GYS1: variants seen among roughly 807,000 people sequenced by gnomAD.
The protein encoded by GYS1 is glycogen synthase 1.
In GYS1, 60 loss-of-function variants were observed where a neutral mutation model predicts 89.1. The ratio of observed to expected loss-of-function variants is 0.67; its 90% CI spans 0.55 to 0.84. The LOEUF (loss-of-function observed/expected upper bound fraction) is 0.84, where lower values mean the gene tolerates loss of function less well. Among genes scored for constraint, GYS1 ranks in the 40% least tolerant of loss-of-function variants. The pLI, the probability that GYS1 is intolerant of heterozygous loss-of-function variation, is 0.00. For synonymous variants in GYS1, 366 were observed against 401.7 expected (o/e 0.91, Z 1.06); for missense variants, 888 against 1,003.1 (o/e 0.89, Z 1.55).
intron 8 of GYS1, among the ~76,000 whole-genome samples, chr19:48,979,393 T>A (rs1026624651): frequency 3.0e-5 from 4 of 134,936 alleles, no homozygotes; most frequent in Admixed American, 8.0e-5. Context: ...AGAGTCTTGC[T>A]CTGTCGCCCA....
chr19:48,975,653 C>A (rs1194672495), intron 10 of GYS1, among the ~76,000 whole-genome samples: 1 of 151,736 alleles, frequency 6.6e-6, no homozygotes, highest in East Asian at 1.9e-4. Context: ...AACCACCAGG[C>A]GTGGTGGCTC....
chr19:48,980,010 T>G (rs956464108), intron 8 of GYS1, among the ~76,000 whole-genome samples: 1 of 152,066 alleles, frequency 6.6e-6, no homozygotes, highest in Non-Finnish European at 1.5e-5. Context: ...AGTGGCGCAA[T>G]CATGCCTCAC....
chr19:48,979,811 G>A (rs11882285), intron 8 of GYS1, among the ~76,000 whole-genome samples: 55,882 of 150,530 alleles, frequency 0.37, 10,365 homozygotes, highest in Middle Eastern at 0.52. Flanking sequence ...ACGCCCTGCT[G>A]ATTTTTTTTA....
In GYS1 at chr19:48,969,355, G is replaced by C. The variant is rs2038514389; in HGVS notation, c.2147C>G (p.Ser716Cys). The C allele has an allele frequency of 1.3e-6, 2 of 1,585,358 alleles. No homozygotes were observed. The highest frequency in any genetic ancestry group is 1.7e-6 in the Non-Finnish European group (2 of 1,171,158). Reference protein sequence around the residue: ...SKRNSVDTATSSSLSTPSEPL... With the variant: ...SKRNSVDTATCSSLSTPSEPL... Reference sequence around the variant, plus strand: ...CTCGCTCGGGGTGCTGAGTGAGCTGGAGGTGGCCGTGTCCACAGAGTTGCG... The same window carrying C: ...CTCGCTCGGGGTGCTGAGTGAGCTGCAGGTGGCCGTGTCCACAGAGTTGCG... The change falls in exon 16 of 16, where the codon TCC (serine) becomes TGC (cysteine). Residue 716 changes from serine to cysteine, a missense_variant. Ser to Cys is a moderately radical substitution (Grantham distance 112). Coordinates refer to ENST00000323798, the MANE Select transcript of GYS1 (RefSeq NM_002103.5).
Position 48,982,354 on chromosome 19 carries a change from G to A in GYS1, c.963C>T (p.Asp321=), listed in dbSNP as rs1260946510. 3 of 1,613,732 alleles carry A rather than the reference G, an allele frequency of 1.9e-6. No homozygotes were observed. The African/African-American group carries it at 4.0e-5, about 22-fold the overall frequency. ...CGGCGATAAAGAAGTATAAGGTCTTGTCCAAGTTGAAGTCCAGATGCCTAA... is the reference window on the plus strand; with the variant it reads ...CGGCGATAAAGAAGTATAAGGTCTTATCCAAGTTGAAGTCCAGATGCCTAA... ...HFYGHLDFNL[D]KTLYFFIAGR... is the part of the protein sequence containing the mutation. Residue 321 remains aspartate (D), a synonymous_variant, in exon 7 of 16, where the codon GAC becomes GAT. Transcript: ENST00000323798.
intron 8 of GYS1, among the ~76,000 whole-genome samples, chr19:48,979,394 C>T (rs1270055040): frequency 9.5e-5 from 10 of 105,466 alleles, no homozygotes; most frequent in African/African-American, 3.2e-4. Context: ...GAGTCTTGCT[C>T]TGTCGCCCAG....
In GYS1 at chr19:48,968,954, C is replaced by T. The variant is rs1380815530; in HGVS notation, c.*334G>A. ...CACGGGGGGCTCTAAAAGCCCCAGA[C>T]CTGAAAGCACCATGCCAGGTTTCCT... On this transcript the variant is annotated 3_prime_UTR_variant, in exon 16 of 16. Coordinates refer to ENST00000323798, the MANE Select transcript of GYS1 (RefSeq NM_002103.5). 9.1e-6 allele frequency: 5 copies of T among 551,190 alleles called. No homozygotes were observed. Among genetic ancestry groups the T allele is most frequent in the African/African-American group, 1.9e-5 (1 of 53,590 alleles). The allele number at this position is 551,190 out of a possible 1,614,324, so 34.1% of individuals were successfully genotyped here.
At chr19:48,970,422 C>T (rs1407363599) in intron 14 of GYS1, 124 bp downstream of exon 14, 2 of 831,192 alleles carry the variant, frequency 2.4e-6, no homozygotes, top group Non-Finnish European at 4.0e-6. Flanking sequence ...CGCGATCGGC[C>T]TGGTTCATTG....
In GYS1 at chr19:48,991,252, C is replaced by G. The variant is rs749639909; in HGVS notation, c.300+50G>C. The G allele has an allele frequency of 6.3e-7, 1 of 1,590,670 alleles. No homozygotes were observed. The highest frequency in any genetic ancestry group is 1.7e-5 in the Admixed American group (1 of 60,002). On this transcript the variant is annotated intron_variant, in intron 2 of 15. Transcript: ENST00000323798. This position sits in a 1 kb window ranked among gnomAD's most constrained non-coding sequence, Gnocchi z 4.7. ...CCCTCTCCGTCTGTGGCTCCCACCC[C>G]GATGGCAGGCTGTCCACCCGCTTCT...
chr19:48,978,230 G>A (rs907345485), intron 8 of GYS1, 73 bp from the exon 9 acceptor site: 1 of 1,315,070 alleles, frequency 7.6e-7, no homozygotes, highest in Admixed American at 1.7e-5. Context: ...TAGTTAGTTT[G>A]TTTGTTTATT....
chr19:48,969,184 C>T lies in GYS1; in HGVS notation c.*104G>A. ...GGACTGGGTGGGGGCACTGCGGGGC[C>T]ACACCCAGTGCAGATCTGGAGCGGG... On this transcript the variant is annotated 3_prime_UTR_variant, in exon 16 of 16. Coordinates refer to ENST00000323798, the MANE Select transcript of GYS1 (RefSeq NM_002103.5). 9.2e-7 allele frequency: 1 copy of T among 1,081,334 alleles called. No individual in the cohort carries two copies. The highest frequency in any genetic ancestry group is 1.3e-6 in the Non-Finnish European group (1 of 758,788). 67.0% of individuals were successfully genotyped at this position (1,081,334 alleles called of 1,614,324 possible). A position where few individuals can be genotyped will look rare whatever the true frequency, so the allele number is the denominator to read the frequency against.
chr19:48,981,645 A>C lies in GYS1; in HGVS notation c.1063-9T>G, dbSNP rs1375259072. On this transcript the variant is annotated splice_polypyrimidine_tract_variant and intron_variant, in intron 7 of 15. Transcript: ENST00000323798. ...TGCTCGCTGCCGTTCACCTGCGCAG[A>C]AAGAAAGGAGGGGGAGGCCAGGATC... The C allele has an allele frequency of 6.3e-7, 1 of 1,583,396 alleles. No homozygotes were observed. The highest frequency in any genetic ancestry group is 1.1e-5 in the South Asian group (1 of 90,484).
Position 48,979,336 on chromosome 19 carries a change from C to CTTTTTTTTTTTTTT in GYS1, c.1170-1193_1170-1180dup, listed in dbSNP as rs777178030. 7.0e-4 allele frequency among the ~76,000 whole-genome samples: 65 copies of CTTTTTTTTTTTTTT among 92,724 alleles called. 9 individuals carry two copies. The highest frequency in any genetic ancestry group is 9.1e-4 in the African/African-American group (24 of 26,432). The allele number at this position is 92,724 out of a possible 152,430, so 60.8% of individuals were successfully genotyped here. ...TTTGTCTCTTTTTCTTTTTTCTTTT[C>CTTTTTTTTTTTTTT]TTTTTTTTTTTTTTTTTTTTTTTTT... On this transcript the variant is annotated intron_variant, in intron 8 of 15. Coordinates refer to ENST00000323798, the MANE Select transcript of GYS1 (RefSeq NM_002103.5).
intron 2 of GYS1, among the ~76,000 whole-genome samples, chr19:48,988,281 A>G (rs1019935615): frequency 1.3e-5 from 2 of 151,962 alleles, no homozygotes; most frequent in Non-Finnish European, 2.9e-5. Context: ...TCTCTTACCA[A>G]CCATCTGCAT....
At position 48,970,592 on chromosome 19, in the gene GYS1, C is replaced by A; in HGVS notation, c.1763G>T (p.Arg588Leu). The A allele has an allele frequency of 6.2e-7, 1 of 1,613,572 alleles. No homozygotes were observed. The highest frequency in any genetic ancestry group is 8.5e-7 in the Non-Finnish European group (1 of 1,179,692). ...SRRQRIIQRN[R>L]TERLSDLLDW... Reference sequence around the variant, plus strand: ...CAGAAGGTCGGAGAGGCGCTCCGTGCGGTTCCGCTGGATGATACGCTGCCG... The same window carrying A: ...CAGAAGGTCGGAGAGGCGCTCCGTGAGGTTCCGCTGGATGATACGCTGCCG... The change falls in exon 14 of 16, where the codon CGC becomes CTC. Residue 588 changes from arginine (R) to leucine (L), a missense_variant. Physicochemically the swap from Arg to Leu is moderately radical, Grantham distance 102 (BLOSUM62 -2). Coordinates refer to ENST00000323798, the MANE Select transcript of GYS1 (RefSeq NM_002103.5).
At chr19:48,977,809 G>A in intron 10 of GYS1, 115 bp downstream of exon 10, 1 of 796,474 alleles carries the variant, frequency 1.3e-6, no homozygotes, top group South Asian at 1.4e-5. Flanking sequence ...CCTTCATAAA[G>A]GGCTGCAGGA....
rs760164673 is a variant in GYS1, at chr19:48,975,911, CAAAAAAAA to C, written c.1309-1186_1309-1179del. On this transcript the variant is annotated intron_variant, in intron 10 of 15. Transcript: ENST00000323798. ...TGGGCGACAGAGCGAGACTCCGTCT[CAAAAAAAA>C]AAAAAAAAAAAAAAAAGAAGAAAAA... 3.6e-3 allele frequency among the ~76,000 whole-genome samples: 147 copies of C among 41,358 alleles called. 1 individual carries two copies. Among genetic ancestry groups the C allele is most frequent in the African/African-American group, 0.012 (140 of 11,356 alleles). The allele number at this position is 41,358 out of a possible 152,430, so 27.1% of individuals were successfully genotyped here.
chr19:48,970,284 T>C, intron 14 of GYS1: 1 of 489,624 alleles, frequency 2.0e-6, no homozygotes. Flanking sequence ...ACCATCACGC[T>C]CGGCTGATTT....
rs112307848 is a variant in GYS1 at position 48,973,646 on chromosome 19, G to C, written c.1549+567C>G. ...GCAATTCTCTGCCTCAGCCTCCCAAGTAGCTGAGACTACAGGTGCGTACCA... is the reference window on the plus strand; with the variant it reads ...GCAATTCTCTGCCTCAGCCTCCCAACTAGCTGAGACTACAGGTGCGTACCA... On this transcript the variant is annotated intron_variant, in intron 12 of 15. Transcript: ENST00000323798. 2.6e-5 allele frequency among the ~76,000 whole-genome samples: 4 copies of C among 151,388 alleles called. No homozygotes were observed. The South Asian group carries it at 6.2e-4, about 24-fold the overall frequency.
Sources: gnomAD v4.1 joint callset for allele counts (sites outside exome capture counted in the v4.1 genomes callset) on GRCh38, gnomAD v4.1.1 for gene constraint, Gnocchi (gnomAD v3.1) non-coding constraint, MANE v1.5 for transcripts, NCBI Gene and HGNC (gene_info 2026-07-23, HGNC 2026-07-21) for gene names.